Variants in CHODL observed in about 807,000 individuals in gnomAD.
The protein encoded by CHODL is transmembrane protein MT75.
Under a neutral mutation model 34.5 loss-of-function variants are expected in CHODL, and 29 were observed. That is an observed-to-expected ratio of 0.84 (90% CI 0.63 to 1.15). CHODL has a LOEUF of 1.15. CHODL is among the 50% of genes most tolerant of loss of function. The pLI is 0.00. For synonymous variants in CHODL, 125 were observed against 116.1 expected (o/e 1.08, Z -0.49); for missense variants, 332 against 332.5 (o/e 1.00, Z 0.01).
At chr21:18,036,462 G>C (rs969147504) in intron 2 of CHODL, among the ~76,000 whole-genome samples, 1 of 151,898 alleles carries the variant, frequency 6.6e-6, no homozygotes, top group African/African-American at 2.4e-5. Context: ...AGCTACCTTG[G>C]CCTCCTTGGA....
intron 2 of CHODL, among the ~76,000 whole-genome samples, chr21:18,071,624 TCTC>T (rs2064806381): frequency 6.6e-6 from 1 of 152,130 alleles, no homozygotes; most frequent in Non-Finnish European, 1.5e-5. Flanking sequence ...AAAACTTAAT[TCTC>T]CTATCAATAG....
chr21:18,085,247 G>A (rs1304893039), intron 2 of CHODL, among the ~76,000 whole-genome samples: 2 of 151,816 alleles, frequency 1.3e-5, no homozygotes, highest in African/African-American at 4.8e-5. Context: ...CTTCCAATCT[G>A]TATCTTTTAA....
chr21:18,026,388 G>C (rs1229932915), intron 1 of CHODL, among the ~76,000 whole-genome samples: 2 of 152,022 alleles, frequency 1.3e-5, no homozygotes, highest in Non-Finnish European at 2.9e-5. Context: ...ATTTCAAAAT[G>C]AAGAATAAAA....
intron 2 of CHODL, among the ~76,000 whole-genome samples, chr21:18,131,129 C>CAG (rs374612689): frequency 7.3e-5 from 11 of 151,182 alleles, no homozygotes; most frequent in African/African-American, 1.7e-4. Context: ...AAAGAGAGAG[C>CAG]AGAGAGAGAG....
At chr21:18,235,981 C>T (rs61395998) in intron 2 of CHODL, among the ~76,000 whole-genome samples, 4,768 of 152,080 alleles carry the variant, frequency 0.031, 253 homozygotes, top group African/African-American at 0.11. Flanking sequence ...ATCAATTGTC[C>T]TCCTTTTTGT....
chr21:18,213,015 T>C (rs2073789223), intron 2 of CHODL, among the ~76,000 whole-genome samples: 1 of 152,124 alleles, frequency 6.6e-6, no homozygotes, highest in African/African-American at 2.4e-5. Context: ...GAAACACTAA[T>C]AGAGATGGAG....
rs138704796 is a variant in CHODL, at chr21:18,263,172, G to A, written c.737+279G>A. Among the ~76,000 whole-genome samples, 569 of 152,250 alleles carry A rather than the reference G, an allele frequency of 3.7e-3. 3 individuals are homozygous for A. Among genetic ancestry groups the A allele is most frequent in the Non-Finnish European group, 6.2e-3 (420 of 67,992 alleles). ...GTCTGCCTTGGGTACCATAGTTAGT[G>A]TCCACGGTGAATCTGAAATTTGGAT... On this transcript the variant is annotated intron_variant, in intron 5 of 5. Transcript: ENST00000299295.
At chr21:18,217,700 A>G (rs929890578) in intron 2 of CHODL, among the ~76,000 whole-genome samples, 1 of 152,156 alleles carries the variant, frequency 6.6e-6, no homozygotes, top group African/African-American at 2.4e-5. Flanking sequence ...GCATTAACCC[A>G]AAAGTCCAAG....
intron 1 of CHODL, among the ~76,000 whole-genome samples, chr21:17,993,827 C>A (rs1354673624): frequency 1.3e-5 from 2 of 152,226 alleles, no homozygotes; most frequent in East Asian, 3.8e-4. Context: ...AGCTTACACT[C>A]CCACCAACAG....
At chr21:18,196,495 C>A (rs1370587310) in intron 2 of CHODL, among the ~76,000 whole-genome samples, 2 of 152,098 alleles carry the variant, frequency 1.3e-5, no homozygotes, top group African/African-American at 2.4e-5. Flanking sequence ...TAATTGGTGA[C>A]TGGCAGTTCA....
chr21:18,106,717 A>G (rs2776084), intron 2 of CHODL, among the ~76,000 whole-genome samples: 86,250 of 151,642 alleles, frequency 0.57, 25,975 homozygotes, highest in African/African-American at 0.76. Context: ...GGATGGTCTC[A>G]ATCTCCTGAC....
intron 1 of CHODL, among the ~76,000 whole-genome samples, chr21:17,965,609 A>G (rs998932144): frequency 6.6e-6 from 1 of 152,076 alleles, no homozygotes; most frequent in Admixed American, 6.6e-5. Flanking sequence ...CTTATAATGC[A>G]TTTGTTTTAA....
chr21:17,970,559 A>C (rs1207827488), intron 1 of CHODL, among the ~76,000 whole-genome samples: 1 of 152,082 alleles, frequency 6.6e-6, no homozygotes, highest in East Asian at 1.9e-4. Flanking sequence ...TACTTATTAG[A>C]AGCTTGAGAC....
intron 2 of CHODL, among the ~76,000 whole-genome samples, chr21:18,232,942 G>GATAT (rs371388519): frequency 0.021 from 2,469 of 119,274 alleles, 43 homozygotes; most frequent in African/African-American, 0.028. Context: ...ATGATGTTAT[G>GATAT]ATATATATAT....
intron 1 of CHODL, among the ~76,000 whole-genome samples, chr21:17,926,257 T>C (rs11088659): frequency 1 from 152,336 of 152,336 alleles, 76,168 homozygotes; most frequent in Non-Finnish European, 1. Flanking sequence ...AAAAAAAAAT[T>C]TAATTCTTTG....
chr21:17,927,351 G>A (rs1173901862), intron 1 of CHODL, among the ~76,000 whole-genome samples: 1 of 151,952 alleles, frequency 6.6e-6, no homozygotes, highest in East Asian at 1.9e-4. Flanking sequence ...GATGAGGTTT[G>A]TCTTTAGCGC....
At chr21:18,097,900 C>A (rs891639054) in intron 2 of CHODL, among the ~76,000 whole-genome samples, 4 of 152,000 alleles carry the variant, frequency 2.6e-5, no homozygotes, top group Admixed American at 1.3e-4. Flanking sequence ...ATAGAGAACC[C>A]AGATACAAAT....
chr21:17,965,138 A>G (rs2063561942), intron 1 of CHODL, among the ~76,000 whole-genome samples: 1 of 152,152 alleles, frequency 6.6e-6, no homozygotes, highest in Admixed American at 6.5e-5. Context: ...TCATCATCCC[A>G]ATTTAGCAAT....
At chr21:17,927,038 A>G (rs1328723206) in intron 1 of CHODL, among the ~76,000 whole-genome samples, 3 of 151,398 alleles carry the variant, frequency 2.0e-5, no homozygotes, top group Admixed American at 2.0e-4. Flanking sequence ...GCATATATGT[A>G]TATGTATGCA....
Sources: allele counts gnomAD v4.1 joint callset (sites outside exome capture counted in the v4.1 genomes callset), GRCh38; gene constraint gnomAD v4.1.1; transcripts MANE v1.5; gene names NCBI Gene and HGNC (gene_info 2026-07-23, HGNC 2026-07-21).